NPEPPS: variants seen among roughly 807,000 people sequenced by gnomAD.
The protein encoded by NPEPPS is aminopeptidase puromycin sensitive.
In NPEPPS, 14 loss-of-function variants were observed where a neutral mutation model predicts 115.5. The ratio of observed to expected loss-of-function variants is 0.12; its 90% confidence interval spans 0.08 to 0.19. The LOEUF (loss-of-function observed/expected upper bound fraction) is 0.19. Among genes scored for constraint, NPEPPS ranks in the 10% least tolerant of loss-of-function variants. The probability of loss-of-function intolerance (pLI) is 1.00; values close to 1 mark genes in which losing one functional copy is unlikely to be tolerated. For missense variants in NPEPPS, 523 were observed against 1,110.8 expected (o/e 0.47, Z 7.52); for synonymous variants, 285 against 390.6 (o/e 0.73, Z 3.19).
rs1908402784 is a variant in NPEPPS, at chr17:47,537,682, C to T, written c.255+6127C>T. Among the ~76,000 whole-genome samples, 7 of 149,846 alleles carry T rather than the reference C, an allele frequency of 4.7e-5. No individual in the cohort carries two copies. In the South Asian group the frequency reaches 1.3e-3, roughly 27 times the overall value. The stretch of plus-strand genomic sequence containing the variant: ...CGCCATTGCACTCCAGCCGGGGTGA[C>T]ACAGCGAGACCCTGTCTTTAAAAAA... On this transcript the variant is annotated intron_variant, in intron 1 of 22. Coordinates refer to ENST00000322157, the MANE Select transcript of NPEPPS (RefSeq NM_006310.4).
At chr17:47,614,224 C>T (rs774159714) in intron 19 of NPEPPS, among the ~76,000 whole-genome samples, 3 of 152,160 alleles carry the variant, frequency 2.0e-5, no homozygotes, top group Non-Finnish European at 4.4e-5. Context: ...CCACCTCAGC[C>T]TCCCAAAGTG....
intron 1 of NPEPPS, among the ~76,000 whole-genome samples, chr17:47,542,820 T>C (rs1002218768): frequency 3.9e-5 from 6 of 152,098 alleles, no homozygotes; most frequent in African/African-American, 1.4e-4. Flanking sequence ...TAAATGCATA[T>C]AAGCAAGGTT....
chr17:47,547,823 G>A (rs1484741126), intron 2 of NPEPPS, among the ~76,000 whole-genome samples: 3 of 152,050 alleles, frequency 2.0e-5, no homozygotes, highest in Non-Finnish European at 2.9e-5. Flanking sequence ...TCAGGAGATC[G>A]AGACCATCCT....
At chr17:47,543,125 G>T (rs548239066) in intron 1 of NPEPPS, among the ~76,000 whole-genome samples, 1 of 143,864 alleles carries the variant, frequency 7.0e-6, no homozygotes, top group Admixed American at 7.2e-5. Flanking sequence ...CATCCTGGGC[G>T]AGAGAGCGAG....
chr17:47,589,909 TTACTA>T (rs768176868), intron 9 of NPEPPS, among the ~76,000 whole-genome samples: 10 of 152,356 alleles, frequency 6.6e-5, no homozygotes, highest in South Asian at 2.1e-4. Flanking sequence ...AGATAATCCT[TTACTA>T]TACTAAATTC....
chr17:47,616,223 G>T (rs1914189732), intron 19 of NPEPPS, among the ~76,000 whole-genome samples: 3 of 152,154 alleles, frequency 2.0e-5, no homozygotes, highest in Admixed American at 2.0e-4. Context: ...CTAGAACCCA[G>T]ATCTCCCAAG....
chr17:47,619,917 G>T (rs1914438612), intron 22 of NPEPPS, 133 bp downstream of exon 22: 4 of 740,102 alleles, frequency 5.4e-6, no homozygotes, highest in African/African-American at 1.7e-5. Flanking sequence ...ATCATGCAGG[G>T]CTGTATAGGC....
At chr17:47,615,552 A>G (rs1157384727) in intron 19 of NPEPPS, among the ~76,000 whole-genome samples, 1 of 152,134 alleles carries the variant, frequency 6.6e-6, no homozygotes, top group African/African-American at 2.4e-5. Flanking sequence ...GCAAGACCCT[A>G]TCTTAAAAAA....
In NPEPPS at chr17:47,584,259, C is replaced by A. The variant is rs550345525; in HGVS notation, c.649-1241C>A. ...AAAAAAGGTTGCAACAGAGCAAGACCCTGTCTCTTATGTTTTTAAAAAGTT... is the reference window on the plus strand; with the variant it reads ...AAAAAAGGTTGCAACAGAGCAAGACACTGTCTCTTATGTTTTTAAAAAGTT... On this transcript the variant is annotated intron_variant, in intron 5 of 22. Coordinates refer to ENST00000322157, the MANE Select transcript of NPEPPS (RefSeq NM_006310.4). 2.6e-5 allele frequency among the ~76,000 whole-genome samples: 4 copies of A among 151,614 alleles called. No individual in the cohort carries two copies. The East Asian group carries it at 5.8e-4, about 22-fold the overall frequency.
intron 3 of NPEPPS, among the ~76,000 whole-genome samples, chr17:47,578,021 A>G (rs554772294): frequency 6.6e-6 from 1 of 152,106 alleles, no homozygotes; most frequent in Non-Finnish European, 1.5e-5. Context: ...GCTGGCCAAC[A>G]TGGCAAACCC....
chr17:47,586,951 C>T (rs991509591), intron 8 of NPEPPS: 2 of 400,288 alleles, frequency 5.0e-6, no homozygotes, highest in East Asian at 5.7e-5. Flanking sequence ...GCACAGTAAT[C>T]GCTAATCCCT....
intron 15 of NPEPPS, 93 bp from the exon 16 acceptor site, chr17:47,603,822 A>G (rs1314660022): frequency 1.6e-5 from 19 of 1,175,828 alleles, no homozygotes; most frequent in Middle Eastern, 1.9e-4. Flanking sequence ...TCATCCAGAT[A>G]TATCTAAAAC....
intron 17 of NPEPPS, among the ~76,000 whole-genome samples, chr17:47,611,616 A>G (rs901919930): frequency 2.6e-5 from 4 of 151,926 alleles, no homozygotes; most frequent in African/African-American, 9.7e-5. Flanking sequence ...GGGCCTACAG[A>G]CATATGCTAC....
At chr17:47,606,097 G>A (rs879637341) in intron 17 of NPEPPS, among the ~76,000 whole-genome samples, 18 of 152,020 alleles carry the variant, frequency 1.2e-4, no homozygotes, top group Non-Finnish European at 2.5e-4. Flanking sequence ...GGCTGGTCTC[G>A]AACCCCTGAT....
chr17:47,608,009 GTT>G (rs572654459), intron 17 of NPEPPS, among the ~76,000 whole-genome samples: 1 of 144,434 alleles, frequency 6.9e-6, no homozygotes, highest in Non-Finnish European at 1.5e-5. Flanking sequence ...ACCCAGCTAT[GTT>G]TTTTTTTTTT....
chr17:47,534,674 T>C (rs1446269371), intron 1 of NPEPPS, among the ~76,000 whole-genome samples: 1 of 151,886 alleles, frequency 6.6e-6, no homozygotes, highest in Non-Finnish European at 1.5e-5. Context: ...TTCAAGCGAG[T>C]CTCCTTGCCT....
At chr17:47,599,821 T>G in intron 14 of NPEPPS, 82 bp downstream of exon 14, 1 of 1,187,054 alleles carries the variant, frequency 8.4e-7, no homozygotes, top group Non-Finnish European at 1.2e-6. Flanking sequence ...TAATAGGAAA[T>G]TTTTCTTTTT....
chr17:47,534,884 T>A (rs1472579404), intron 1 of NPEPPS, among the ~76,000 whole-genome samples: 1 of 151,952 alleles, frequency 6.6e-6, no homozygotes, highest in Non-Finnish European at 1.5e-5. Flanking sequence ...AGTGGATTTT[T>A]AACCTGGCCT....
intron 2 of NPEPPS, among the ~76,000 whole-genome samples, chr17:47,559,323 TGA>T (rs1910276126): frequency 6.6e-6 from 1 of 152,194 alleles, no homozygotes; most frequent in Non-Finnish European, 1.5e-5. Context: ...ATTACAGGCA[TGA>T]GACACTGTGC....
Sources: gnomAD v4.1 joint callset for allele counts (sites outside exome capture counted in the v4.1 genomes callset) on GRCh38, gnomAD v4.1.1 for gene constraint, MANE v1.5 for transcripts, NCBI Gene and HGNC (gene_info 2026-07-23, HGNC 2026-07-21) for gene names.